NCKAP5: variants seen among roughly 807,000 people sequenced by gnomAD.
NCKAP5 encodes NCK associated protein 5.
A neutral mutation model predicts 167.0 loss-of-function variants in NCKAP5; 92 were observed. The ratio of observed to expected loss-of-function variants is 0.55; its 90% CI spans 0.47 to 0.66. NCKAP5 has a LOEUF of 0.66. NCKAP5 is among the 30% of genes least tolerant of loss of function. NCKAP5 has a pLI of 0.00. For synonymous variants in NCKAP5, 891 were observed against 877.4 expected, an observed-to-expected ratio of 1.02 and a Z score of -0.27; for missense variants, 2,378 against 2,315.0, an observed-to-expected ratio of 1.03 and a Z score of -0.56.
At chr2:133,469,948 T>C (rs1276836112) in intron 3 of NCKAP5, among the ~76,000 whole-genome samples, 1 of 151,240 alleles carries the variant, frequency 6.6e-6, no homozygotes, top group Admixed American at 6.6e-5. Context: ...TCTTTGCCTT[T>C]GGTTTGAATG....
chr2:133,099,221 AG>A lies in NCKAP5; in HGVS notation c.341+30756del, dbSNP rs564301208. Among the ~76,000 whole-genome samples, 293 of 152,314 alleles carry A rather than the reference AG, an allele frequency of 1.9e-3. 3 individuals carry two copies. The highest frequency in any genetic ancestry group is 6.9e-3 in the African/African-American group (287 of 41,558). ...GACAGTAAGAATATATAGAAAAAAA[AG>A]CTCTGAGCTCATAATACTAAAACAG... On this transcript the variant is annotated intron_variant, in intron 6 of 19. Coordinates refer to ENST00000409261, the MANE Select transcript of NCKAP5 (RefSeq NM_207363.3).
rs144617221 is a variant in NCKAP5 at position 133,403,964 on chromosome 2, T to C, written c.70-100854A>G. On this transcript the variant is annotated intron_variant, in intron 3 of 19. Coordinates refer to ENST00000409261, the MANE Select transcript of NCKAP5 (RefSeq NM_207363.3). Reference sequence around the variant, plus strand: ...CCTGAGCCCCTTGACTGCCATGTGATGAGCCTTGGCCCTTGCCCCTCAGCT... The same window carrying C: ...CCTGAGCCCCTTGACTGCCATGTGACGAGCCTTGGCCCTTGCCCCTCAGCT... 1.4e-3 allele frequency among the ~76,000 whole-genome samples: 212 copies of C among 152,198 alleles called. 1 individual carries two copies. Among genetic ancestry groups the C allele is most frequent in the African/African-American group, 4.8e-3 (201 of 41,494 alleles).
chr2:132,803,335 A>G (rs969549331), intron 11 of NCKAP5, among the ~76,000 whole-genome samples: 1 of 152,210 alleles, frequency 6.6e-6, no homozygotes, highest in Non-Finnish European at 1.5e-5. Context: ...CTTGCCTTGC[A>G]CATCAATGTT....
chr2:133,145,932 G>A (rs1359810045), intron 5 of NCKAP5, among the ~76,000 whole-genome samples: 1 of 152,010 alleles, frequency 6.6e-6, no homozygotes, highest in Non-Finnish European at 1.5e-5. Context: ...TCATTCCACT[G>A]TAACAAGACT....
intron 6 of NCKAP5, among the ~76,000 whole-genome samples, chr2:133,085,269 G>T (rs2149607865): frequency 6.6e-6 from 1 of 152,226 alleles, no homozygotes; most frequent in Admixed American, 6.5e-5. Context: ...TAAGCATCAG[G>T]CACCTACCAC....
chr2:133,035,576 G>T (rs2079015629), intron 6 of NCKAP5, among the ~76,000 whole-genome samples: 1 of 151,822 alleles, frequency 6.6e-6, no homozygotes. Context: ...GACTACAATG[G>T]AATAAAACTT....
intron 16 of NCKAP5, among the ~76,000 whole-genome samples, chr2:132,771,277 G>T (rs1446838342): frequency 6.6e-6 from 1 of 152,048 alleles, no homozygotes; most frequent in African/African-American, 2.4e-5. Flanking sequence ...TAATATGTGT[G>T]TTTGTGTCTT....
intron 8 of NCKAP5, among the ~76,000 whole-genome samples, chr2:132,892,352 T>C (rs1692778368): frequency 6.6e-6 from 1 of 152,230 alleles, no homozygotes; most frequent in South Asian, 2.1e-4. Flanking sequence ...TTTCCAATTA[T>C]GAGAGAAGCT....
intron 6 of NCKAP5, among the ~76,000 whole-genome samples, chr2:133,048,372 T>C (rs918503605): frequency 2.0e-5 from 3 of 152,232 alleles, no homozygotes; most frequent in African/African-American, 4.8e-5. Context: ...GCAGTATATG[T>C]AGTTCATAGT....
chr2:133,218,920 C>T (rs1178378809), intron 4 of NCKAP5, among the ~76,000 whole-genome samples: 1 of 152,142 alleles, frequency 6.6e-6, no homozygotes, highest in Admixed American at 6.5e-5. Context: ...TTAGTCATTA[C>T]ATAGTTTTTA....
intron 19 of NCKAP5, among the ~76,000 whole-genome samples, chr2:132,675,730 G>T (rs1684356096): frequency 6.6e-6 from 1 of 151,812 alleles, no homozygotes. Flanking sequence ...AACACTCACT[G>T]TCATCAGGTT....
chr2:132,831,663 T>G (rs72991339), intron 11 of NCKAP5, among the ~76,000 whole-genome samples: 13,342 of 152,074 alleles, frequency 0.088, 911 homozygotes, highest in African/African-American at 0.19. Flanking sequence ...CCTCTCTGTT[T>G]CTTGTCTTTT....
the NCKAP5 span, among the ~76,000 whole-genome samples, chr2:133,611,222 G>T: frequency 6.6e-6 from 1 of 152,066 alleles, no homozygotes; most frequent in Admixed American, 6.6e-5. Flanking sequence ...CAAGAAAAGG[G>T]ATGTTGCATC....
In NCKAP5 at chr2:133,534,471, G is replaced by C. The variant is rs191328960; in HGVS notation, c.-61-16884C>G. On this transcript the variant is annotated intron_variant, in intron 2 of 19. Coordinates refer to ENST00000409261, the MANE Select transcript of NCKAP5 (RefSeq NM_207363.3). ...AACACTCCAAAAAGAAACCCCATAC[G>C]CATCAGCAGTGCTTCTCCATCCCCT... Among the ~76,000 whole-genome samples, 187 of 151,994 alleles carry C rather than the reference G, an allele frequency of 1.2e-3. 1 individual carries two copies. Among genetic ancestry groups the C allele is most frequent in the African/African-American group, 4.1e-3 (171 of 41,428 alleles).
At chr2:133,478,123 T>A (rs1680098236) in intron 3 of NCKAP5, among the ~76,000 whole-genome samples, 1 of 152,200 alleles carries the variant, frequency 6.6e-6, no homozygotes, top group Non-Finnish European at 1.5e-5. Context: ...GACTCCCTCA[T>A]GAAGAACTAA....
At chr2:133,206,860 G>A (rs972917668) in intron 5 of NCKAP5, among the ~76,000 whole-genome samples, 7 of 152,098 alleles carry the variant, frequency 4.6e-5, no homozygotes, top group Non-Finnish European at 1.0e-4. Flanking sequence ...TGCTCTGGGA[G>A]TGTCTGTCTT....
chr2:133,531,120 T>G (rs2104827141), intron 2 of NCKAP5, among the ~76,000 whole-genome samples: 1 of 149,002 alleles, frequency 6.7e-6, no homozygotes, highest in Middle Eastern at 3.4e-3. Context: ...GTAAAGGATG[T>G]GAAGACTGAA....
At chr2:133,005,564 G>A (rs1418998369) in intron 6 of NCKAP5, among the ~76,000 whole-genome samples, 1 of 152,110 alleles carries the variant, frequency 6.6e-6, no homozygotes, top group Non-Finnish European at 1.5e-5. Flanking sequence ...TGGAGCATTA[G>A]GTCTGCTTTT....
intron 6 of NCKAP5, among the ~76,000 whole-genome samples, chr2:133,093,904 A>G (rs550792800): frequency 6.6e-6 from 1 of 152,352 alleles, no homozygotes; most frequent in African/African-American, 2.4e-5. Context: ...CCAATCAGAA[A>G]GAGTGGACAC....
Sources: allele counts gnomAD v4.1 joint callset (sites outside exome capture counted in the v4.1 genomes callset), GRCh38; gene constraint gnomAD v4.1.1; transcripts MANE v1.5; gene names NCBI Gene and HGNC (gene_info 2026-07-23, HGNC 2026-07-21).